The following RIPOR3 variants were observed in gnomAD, a reference collection of about 807,000 sequenced individuals.
The protein encoded by RIPOR3 is family with sequence similarity 65 member C.
In RIPOR3, 95 loss-of-function variants were observed where a neutral mutation model predicts 114.3. The observed-to-expected ratio is 0.83, with a 90% CI of 0.70 to 0.99. The LOEUF (loss-of-function observed/expected upper bound fraction) is 0.99, where lower values mean the gene tolerates loss of function less well. Ranked by LOEUF, RIPOR3 falls within the 50% of genes least tolerant of loss-of-function variation. The pLI, the probability that RIPOR3 is intolerant of heterozygous loss-of-function variation, is 0.00. For missense variants in RIPOR3, 1,252 were observed against 1,266.9 expected (o/e 0.99, Z 0.18); for synonymous variants, 575 against 543.8 (o/e 1.06, Z -0.80).
At chr20:50,619,752 G>A (rs780596216) in intron 3 of RIPOR3, among the ~76,000 whole-genome samples, 5 of 152,206 alleles carry the variant, frequency 3.3e-5, no homozygotes, top group East Asian at 1.9e-4. Flanking sequence ...TCTGCAGTGC[G>A]TGCTCCACAA....
chr20:50,656,953 AT>A (rs760817730), intron 1 of RIPOR3, among the ~76,000 whole-genome samples: 3 of 152,240 alleles, frequency 2.0e-5, no homozygotes, highest in Non-Finnish European at 4.4e-5. Context: ...ATCTTGGTCT[AT>A]GTTTGAGGCT....
In RIPOR3 at chr20:50,589,701, C is replaced by T. The variant is rs763204438; in HGVS notation, c.2646G>A (p.Ala882=). The change falls in exon 20 of 22, where the codon GCG becomes GCA. Residue 882 remains alanine (A), a synonymous_variant. Coordinates refer to ENST00000327979, the MANE Select transcript of RIPOR3 (RefSeq NM_001290268.2). ...DARLQQAACL[A]LKHLKGIESI... is the part of the protein sequence containing the mutation. ...TCAGGCTCACCTTGAGGTGTTTGAG[C>T]GCTAGGCATGCGGCCTGCTGGAGCC... 33 of 1,613,648 alleles carry T rather than the reference C, an allele frequency of 2.0e-5. No homozygotes were observed. In the Middle Eastern group the frequency reaches 3.1e-3, roughly 153 times the overall value.
intron 1 of RIPOR3, among the ~76,000 whole-genome samples, chr20:50,666,221 T>TCC (rs2086227145): frequency 1.5e-5 from 2 of 130,244 alleles, no homozygotes; most frequent in African/African-American, 6.1e-5. Flanking sequence ...TCTTTTCTTT[T>TCC]CTTTTTTGAG....
In RIPOR3 at chr20:50,586,180, A is replaced by AAAT. The variant is rs531217977; in HGVS notation, c.*1049_*1051dup. On this transcript the variant is annotated 3_prime_UTR_variant, in exon 22 of 22. Transcript: ENST00000327979. Reference sequence around the variant, plus strand: ...AATTGAACATATGAACAAGGCAAATAAATACTAAGTAAGTTAAAAACACAA... The same window carrying AAAT: ...AATTGAACATATGAACAAGGCAAATAAATAATACTAAGTAAGTTAAAAACACAA... 1.2e-5 allele frequency: 2 copies of AAAT among 162,926 alleles called. No homozygotes were observed. The highest frequency in any genetic ancestry group is 2.7e-5 in the Non-Finnish European group (2 of 74,120). The allele number at this position is 162,926 out of a possible 1,614,324, so 10.1% of individuals were successfully genotyped here.
chr20:50,635,821 C>T (rs901262805), intron 1 of RIPOR3, among the ~76,000 whole-genome samples: 1 of 152,252 alleles, frequency 6.6e-6, no homozygotes, highest in Non-Finnish European at 1.5e-5. Flanking sequence ...CTTCGGGACT[C>T]CGCTGTGCTT....
chr20:50,627,657 C>T (rs1287953458), intron 2 of RIPOR3, among the ~76,000 whole-genome samples: 4 of 151,490 alleles, frequency 2.6e-5, no homozygotes, highest in East Asian at 1.9e-4. Flanking sequence ...CACTCCAGCC[C>T]GGGCGAGAGA....
chr20:50,683,140 C>A (rs1451519572), intron 1 of RIPOR3, among the ~76,000 whole-genome samples: 1 of 152,188 alleles, frequency 6.6e-6, no homozygotes. Context: ...GAATTGTACC[C>A]TTAAAATGGC....
At chr20:50,604,070 T>C (rs2083602748) in intron 12 of RIPOR3, among the ~76,000 whole-genome samples, 1 of 151,776 alleles carries the variant, frequency 6.6e-6, no homozygotes, top group Admixed American at 6.6e-5. Flanking sequence ...TAATCCCAGC[T>C]ACTCGGGAGG....
At chr20:50,590,205 C>T (rs569223152) in intron 19 of RIPOR3, among the ~76,000 whole-genome samples, 1 of 152,328 alleles carries the variant, frequency 6.6e-6, no homozygotes, top group East Asian at 1.9e-4. Context: ...CCCTCCTGTC[C>T]AATCCCAGCG....
chr20:50,687,326 G>A (rs2087061941), intron 1 of RIPOR3, among the ~76,000 whole-genome samples: 2 of 152,280 alleles, frequency 1.3e-5, no homozygotes, highest in African/African-American at 4.8e-5. Context: ...GCAAGAGAGA[G>A]GAGTTTGGCT....
At chr20:50,645,917 G>T (rs2426192) in intron 1 of RIPOR3, 51,955 of 152,118 alleles carry the variant, frequency 0.34, 9,963 homozygotes, top group African/African-American at 0.52. Flanking sequence ...ACATCAAGCC[G>T]GCCTGCTGTT....
intron 1 of RIPOR3, among the ~76,000 whole-genome samples, chr20:50,685,807 G>A (rs1367418806): frequency 1.9e-5 from 2 of 105,476 alleles, no homozygotes; most frequent in Non-Finnish European, 3.7e-5. Flanking sequence ...GTGACAGAAC[G>A]AGACTCTGTC....
At chr20:50,639,252 A>AT (rs1231730833) in intron 1 of RIPOR3, among the ~76,000 whole-genome samples, 2 of 151,998 alleles carry the variant, frequency 1.3e-5, no homozygotes, top group Admixed American at 6.6e-5. Context: ...AAAAAAAAAA[A>AT]ACCTGAAAAC....
intron 11 of RIPOR3, 123 bp from the exon 12 acceptor site, chr20:50,604,897 G>C (rs2083649105): frequency 8.2e-7 from 1 of 1,213,092 alleles, no homozygotes; most frequent in African/African-American, 1.6e-5. Context: ...ACAATAGCAT[G>C]GATGGTGTGT....
intron 16 of RIPOR3, chr20:50,595,105 T>C (rs1248393195): frequency 2.2e-5 from 12 of 541,542 alleles, no homozygotes; most frequent in Non-Finnish European, 3.3e-5. Flanking sequence ...CCTCCTCCTA[T>C]GCAGATAGGG....
intron 1 of RIPOR3, among the ~76,000 whole-genome samples, chr20:50,648,258 A>G (rs2085485922): frequency 6.6e-6 from 1 of 151,884 alleles, no homozygotes; most frequent in Non-Finnish European, 1.5e-5. Flanking sequence ...CCTGGGTGAC[A>G]ATAGCAACAC....
chr20:50,636,427 G>A (rs2084988746), intron 1 of RIPOR3, among the ~76,000 whole-genome samples: 1 of 152,176 alleles, frequency 6.6e-6, no homozygotes. Context: ...GGTCTAGGAG[G>A]TCCCTGGGGA....
At chr20:50,642,349 T>G (rs1369291021) in intron 1 of RIPOR3, among the ~76,000 whole-genome samples, 3 of 43,312 alleles carry the variant, frequency 6.9e-5, no homozygotes, top group Non-Finnish European at 1.1e-4. Flanking sequence ...TCTGTGGGTG[T>G]GTGTGTGTGT....
chr20:50,622,093 C>T lies in RIPOR3; in HGVS notation c.123-1961G>A, dbSNP rs527822530. Among the ~76,000 whole-genome samples the T allele has an allele frequency of 2.0e-4, 30 of 152,228 alleles. No homozygotes were observed. The East Asian group carries it at 4.2e-3, about 22-fold the overall frequency. On this transcript the variant is annotated intron_variant, in intron 2 of 21. Coordinates refer to ENST00000327979, the MANE Select transcript of RIPOR3 (RefSeq NM_001290268.2). ...TAGCCCTCTAAAGCCATCAGCCAGG[C>T]GCCCTGGCACCAGGCATCACTTAAT...
Sources: gnomAD v4.1 joint callset for allele counts (sites outside exome capture counted in the v4.1 genomes callset) on GRCh38, gnomAD v4.1.1 for gene constraint, MANE v1.5 for transcripts, NCBI Gene and HGNC (gene_info 2026-07-23, HGNC 2026-07-21) for gene names.